Variants in QTRT2 observed in about 807,000 individuals in gnomAD.
The protein encoded by QTRT2 is queuine tRNA-ribosyltransferase accessory subunit 2.
A neutral mutation model predicts 44.8 loss-of-function variants in QTRT2; 32 were observed. The ratio of observed to expected loss-of-function variants is 0.71; its 90% CI spans 0.54 to 0.96. QTRT2 has a LOEUF of 0.96. Ranked by LOEUF, QTRT2 falls within the 40% of genes least tolerant of loss-of-function variation. The pLI is 0.00. For synonymous variants in QTRT2, 182 were observed against 187.4 expected (o/e 0.97, Z 0.24); for missense variants, 461 against 503.1 (o/e 0.92, Z 0.80).
chr3:114,065,785 C>T (rs901861627), intron 3 of QTRT2, among the ~76,000 whole-genome samples: 2 of 150,626 alleles, frequency 1.3e-5, no homozygotes, highest in African/African-American at 5.0e-5. Flanking sequence ...GCACCAGCCT[C>T]AAAGTTTTTT....
intron 9 of QTRT2, 135 bp downstream of exon 9, chr3:114,082,929 A>G (rs1349356361): frequency 1.6e-6 from 1 of 635,134 alleles, no homozygotes; most frequent in Non-Finnish European, 2.9e-6. Flanking sequence ...GCCTTCTCAA[A>G]TTCGATTTCA....
chr3:114,079,620 T>G (rs1254952193), intron 7 of QTRT2: 1 of 259,870 alleles, frequency 3.8e-6, no homozygotes, highest in Non-Finnish European at 7.5e-6. Context: ...TATTATTTGC[T>G]CTTGTTTTTA....
chr3:114,074,807 A>C (rs1434038579), intron 6 of QTRT2, among the ~76,000 whole-genome samples: 2 of 152,234 alleles, frequency 1.3e-5, no homozygotes, highest in Non-Finnish European at 1.5e-5. Flanking sequence ...ATGATCATAT[A>C]TTCAGCAATT....
chr3:114,058,483 C>T (rs2076838667), intron 2 of QTRT2, among the ~76,000 whole-genome samples: 1 of 152,204 alleles, frequency 6.6e-6, no homozygotes, highest in Non-Finnish European at 1.5e-5. Context: ...GTAACGATTT[C>T]CGAATGCCTT....
At position 114,076,924 on chromosome 3, in the gene QTRT2, T is replaced by G; in HGVS notation, c.728T>G (p.Leu243Arg). 2 of 1,614,080 alleles carry G rather than the reference T, an allele frequency of 1.2e-6. No individual in the cohort carries two copies. The highest frequency in any genetic ancestry group is 1.7e-6 in the Non-Finnish European group (2 of 1,179,990). Residue 243 changes from leucine to arginine, a missense_variant, in exon 7 of 10, where the codon CTG becomes CGG. Coordinates refer to ENST00000281273, the MANE Select transcript of QTRT2 (RefSeq NM_024638.4). Reference sequence around the variant, plus strand: ...TTGCTGTCATCAGTCACTGCAGAGCTGCCGGAGGACAAGCCAAGGCCAGTG... The same window carrying G: ...TTGCTGTCATCAGTCACTGCAGAGCGGCCGGAGGACAAGCCAAGGCCAGTG... ...LRLLSSVTAELPEDKPRLISG... is the reference protein window; with the variant it reads ...LRLLSSVTAERPEDKPRLISG...
chr3:114,066,308 G>A (rs2076953414), intron 4 of QTRT2, 25 bp downstream of exon 4: 3 of 1,361,908 alleles, frequency 2.2e-6, no homozygotes, highest in East Asian at 2.4e-5. Context: ...ACTTATATGT[G>A]CCTTGTGATG....
At chr3:114,065,514 A>C in intron 3 of QTRT2, 57 bp downstream of exon 3, 1 of 1,315,870 alleles carries the variant, frequency 7.6e-7, no homozygotes, top group South Asian at 1.3e-5. Flanking sequence ...TAGTTACCTT[A>C]GGTGCAAAAA....
At chr3:114,079,269 T>A (rs988604685) in intron 7 of QTRT2, 6 of 152,224 alleles carry the variant, frequency 3.9e-5, no homozygotes, top group African/African-American at 1.4e-4. Context: ...GGGCTGGGCG[T>A]GGTGGCTCAC....
intron 9 of QTRT2, 53 bp downstream of exon 9, chr3:114,082,847 CTG>C: frequency 2.4e-6 from 2 of 825,156 alleles, no homozygotes; most frequent in Non-Finnish European, 4.0e-6. Flanking sequence ...GAATTTTAGT[CTG>C]TGTTAAAAGT....
intron 6 of QTRT2, among the ~76,000 whole-genome samples, chr3:114,075,850 T>G (rs556600399): frequency 6.6e-6 from 1 of 152,212 alleles, no homozygotes; most frequent in Admixed American, 6.5e-5. Flanking sequence ...AGCTTTAGCT[T>G]GTTTAGGAAG....
chr3:114,073,067 A>G (rs1417252041), intron 6 of QTRT2, among the ~76,000 whole-genome samples: 3 of 152,244 alleles, frequency 2.0e-5, no homozygotes. Flanking sequence ...TAATAAAGTT[A>G]ATATAAATGA....
At chr3:114,075,018 C>A (rs932515081) in intron 6 of QTRT2, among the ~76,000 whole-genome samples, 3 of 152,114 alleles carry the variant, frequency 2.0e-5, no homozygotes, top group Non-Finnish European at 2.9e-5. Flanking sequence ...TGTAAATAAA[C>A]CTTGGCACAT....
intron 9 of QTRT2, among the ~76,000 whole-genome samples, chr3:114,085,219 C>A (rs1267550352): frequency 6.6e-6 from 1 of 150,394 alleles, no homozygotes. Flanking sequence ...TTTTTTTTTT[C>A]TTTTTTGAGA....
chr3:114,081,069 A>G (rs1277846820), intron 8 of QTRT2, among the ~76,000 whole-genome samples: 1 of 152,236 alleles, frequency 6.6e-6, no homozygotes, highest in Non-Finnish European at 1.5e-5. Flanking sequence ...TTCCACCAGA[A>G]CAGAGGTAAC....
At chr3:114,063,477 G>A (rs1444293871) in intron 2 of QTRT2, among the ~76,000 whole-genome samples, 1 of 152,048 alleles carries the variant, frequency 6.6e-6, no homozygotes, top group African/African-American at 2.4e-5. Context: ...AATAGGGTAT[G>A]TAAAAAAATA....
chr3:114,065,468 G>T lies in QTRT2; in HGVS notation c.200+11G>T, dbSNP rs199869801. 1.9e-4 allele frequency: 305 copies of T among 1,599,648 alleles called. No individual in the cohort carries two copies. The highest frequency in any genetic ancestry group is 2.5e-4 in the Non-Finnish European group (292 of 1,167,706). On this transcript the variant is annotated intron_variant, in intron 3 of 9. Coordinates refer to ENST00000281273, the MANE Select transcript of QTRT2 (RefSeq NM_024638.4). Reference sequence around the variant, plus strand: ...TACGCTGTCATCCCTGTAAGTGTTAGAACCAATGATTCAAGTATCAACTGT... The same window carrying T: ...TACGCTGTCATCCCTGTAAGTGTTATAACCAATGATTCAAGTATCAACTGT...
rs768419123 is a variant in QTRT2 at position 114,070,695 on chromosome 3, G to A, written c.403G>A (p.Ala135Thr). ...TTCCAAGTTCATGGCAATTCAGAAG[G>A]CCCTTCAGCCAGACTGGTTCCAGTG... ...TVSKFMAIQK[A>T]LQPDWFQCLS... is the part of the protein sequence containing the mutation. The change falls in exon 6 of 10, where the codon GCC becomes ACC. Residue 135 changes from alanine to threonine, a missense_variant. By Grantham distance (58) the Ala-to-Thr change is moderately conservative. Transcript: ENST00000281273. 1.9e-6 allele frequency: 3 copies of A among 1,614,146 alleles called. No individual in the cohort carries two copies. Among genetic ancestry groups the A allele is most frequent in the South Asian group, 1.1e-5 (1 of 91,080 alleles).
chr3:114,072,974 G>A (rs1259432125), intron 6 of QTRT2, among the ~76,000 whole-genome samples: 2 of 152,166 alleles, frequency 1.3e-5, no homozygotes, highest in Non-Finnish European at 1.5e-5. Flanking sequence ...AATCCTGAGC[G>A]ATGATCACAT....
intron 6 of QTRT2, among the ~76,000 whole-genome samples, chr3:114,071,180 TC>T (rs2077019987): frequency 1.3e-5 from 2 of 152,192 alleles, no homozygotes; most frequent in Admixed American, 6.5e-5. Context: ...CACTAGAATA[TC>T]CCTCAAACTC....
Sources: gnomAD v4.1 joint callset for allele counts (sites outside exome capture counted in the v4.1 genomes callset) on GRCh38, gnomAD v4.1.1 for gene constraint, MANE v1.5 for transcripts, NCBI Gene and HGNC (gene_info 2026-07-23, HGNC 2026-07-21) for gene names.